ANO4: variants seen among roughly 807,000 people sequenced by gnomAD.
ANO4 encodes the protein anoctamin 4.
Under a neutral mutation model 141.9 loss-of-function variants are expected in ANO4, and 69 were observed. That is an observed-to-expected ratio of 0.49 (90% CI 0.40 to 0.59). The LOEUF (loss-of-function observed/expected upper bound fraction) is 0.59, where lower values mean the gene tolerates loss of function less well. Among genes scored for constraint, ANO4 ranks in the 20% least tolerant of loss-of-function variants. The pLI is 0.00. For synonymous variants in ANO4, 350 were observed against 394.3 expected (o/e 0.89, Z 1.33); for missense variants, 894 against 1,162.2 (o/e 0.77, Z 3.36).
At position 101,071,986 on chromosome 12, in the gene ANO4, T is replaced by A. The variant is rs560693691; in HGVS notation, c.1313-7207T>A. 7.2e-5 allele frequency among the ~76,000 whole-genome samples: 11 copies of A among 152,298 alleles called. No individual in the cohort carries two copies. The East Asian group carries it at 1.9e-3, about 27-fold the overall frequency. On this transcript the variant is annotated intron_variant, in intron 14 of 27. Transcript: ENST00000392977. ...CGTGATGAATTATAGTAACTCAGTG[T>A]TTTTTCCTCCCTATTTGCAGAATGT... is the stretch of plus-strand genomic sequence containing the variant.
chr12:101,048,255 C>T, intron 13 of ANO4, 86 bp from the exon 14 acceptor site: 1 of 1,413,252 alleles, frequency 7.1e-7, no homozygotes, highest in Non-Finnish European at 9.9e-7. Context: ...TATATAATCA[C>T]AGCTATTTTT....
chr12:100,987,417 G>A, intron 7 of ANO4, 122 bp from the exon 8 acceptor site: 9 of 1,211,654 alleles, frequency 7.4e-6, no homozygotes, highest in Non-Finnish European at 1.0e-5. Flanking sequence ...GATATCCTGA[G>A]TGCAGTGAGA....
intron 9 of ANO4, among the ~76,000 whole-genome samples, chr12:101,029,275 A>G (rs1593061551): frequency 1.3e-5 from 2 of 152,332 alleles, no homozygotes; most frequent in Admixed American, 6.5e-5. Flanking sequence ...TGCATCAACT[A>G]GTATGCAAAA....
At chr12:100,855,270 C>T (rs1035230123) in intron 1 of ANO4, among the ~76,000 whole-genome samples, 18 of 152,062 alleles carry the variant, frequency 1.2e-4, no homozygotes, top group African/African-American at 4.3e-4. Context: ...TTGTCAATAA[C>T]TTCTACTTTC....
intron 24 of ANO4, among the ~76,000 whole-genome samples, chr12:101,114,118 T>G (rs1009546178): frequency 6.6e-6 from 1 of 152,206 alleles, no homozygotes; most frequent in South Asian, 2.1e-4. Context: ...TTCCTGCCAG[T>G]AAACCCAGTG....
chr12:100,901,116 G>A (rs770646326), intron 1 of ANO4, among the ~76,000 whole-genome samples: 46 of 152,080 alleles, frequency 3.0e-4, no homozygotes, highest in South Asian at 6.2e-4. Context: ...GAGTGGGATC[G>A]ATGAAAAAAA....
chr12:100,987,805 G>A (rs754445441), intron 8 of ANO4, 135 bp downstream of exon 8: 8 of 1,239,422 alleles, frequency 6.5e-6, no homozygotes, highest in Non-Finnish European at 8.9e-6. Context: ...TCTTGTGAGT[G>A]TTCATATCCC....
At chr12:100,747,392 C>T (rs1768684339) in intron 3 of ANO4, among the ~76,000 whole-genome samples, 1 of 152,176 alleles carries the variant, frequency 6.6e-6, no homozygotes, top group African/African-American at 2.4e-5. Flanking sequence ...GCCTGCTTCC[C>T]TACACCCCAC....
intron 8 of ANO4, among the ~76,000 whole-genome samples, chr12:101,007,740 G>A (rs750872963): frequency 5.3e-5 from 8 of 152,262 alleles, no homozygotes; most frequent in Middle Eastern, 6.8e-3. Flanking sequence ...TTCATTTGGA[G>A]ATAAGGTCTT....
At chr12:100,989,102 G>A (rs1226662364) in intron 8 of ANO4, among the ~76,000 whole-genome samples, 3 of 152,108 alleles carry the variant, frequency 2.0e-5, no homozygotes, top group Admixed American at 1.3e-4. Context: ...AACTCTGTAC[G>A]CCTCTGAAAT....
At position 100,817,579 on chromosome 12, in the gene ANO4, T is replaced by A. The variant is rs140430125; in HGVS notation, c.-141+22552T>A. 4.2e-4 allele frequency among the ~76,000 whole-genome samples: 64 copies of A among 152,068 alleles called. No homozygotes were observed. The East Asian group carries it at 0.012, about 29-fold the overall frequency. On this transcript the variant is annotated intron_variant, in intron 1 of 27. Coordinates refer to ENST00000392977, the MANE Select transcript of ANO4 (RefSeq NM_001286615.2). ...TCCTTACCAAAGGATGGGAAAACTT[T>A]ATAGCCACGAGTGACAGAAAGAAAC...
In ANO4 at chr12:100,854,963, A is replaced by G. The variant is rs117406400; in HGVS notation, c.-140-46683A>G. 3.9e-3 allele frequency among the ~76,000 whole-genome samples: 584 copies of G among 151,550 alleles called. 2 individuals carry two copies. Among genetic ancestry groups the G allele is most frequent in the Middle Eastern group, 6.8e-3 (2 of 292 alleles). Reference sequence around the variant, plus strand: ...CTGTGGCTTCGTGTAGGGAGACTGAATGCTAGCTTTCACCTCATGTGGTCC... The same window carrying G: ...CTGTGGCTTCGTGTAGGGAGACTGAGTGCTAGCTTTCACCTCATGTGGTCC... On this transcript the variant is annotated intron_variant, in intron 1 of 27. Coordinates refer to ENST00000392977, the MANE Select transcript of ANO4 (RefSeq NM_001286615.2).
At chr12:100,995,408 G>T (rs1321118908) in intron 8 of ANO4, among the ~76,000 whole-genome samples, 1 of 152,176 alleles carries the variant, frequency 6.6e-6, no homozygotes. Context: ...TAGAGGCGTG[G>T]GAGGGAGCCT....
chr12:100,863,978 C>T (rs1444976679), intron 1 of ANO4, among the ~76,000 whole-genome samples: 3 of 152,168 alleles, frequency 2.0e-5, no homozygotes, highest in Non-Finnish European at 2.9e-5. Flanking sequence ...GGAGCTCGAA[C>T]AGTGTCATCA....
intron 2 of ANO4, among the ~76,000 whole-genome samples, chr12:100,904,081 G>T (rs1593702414): frequency 6.6e-6 from 1 of 152,132 alleles, no homozygotes; most frequent in Non-Finnish European, 1.5e-5. Context: ...GTCTTTAAGG[G>T]CAGGGATTCT....
chr12:100,791,358 C>A (rs113000564), upstream of ANO4, among the ~76,000 whole-genome samples: 1 of 152,064 alleles, frequency 6.6e-6, no homozygotes, highest in South Asian at 2.1e-4. Flanking sequence ...TGCAGTGAGC[C>A]GAGATCGCAC....
chr12:100,890,860 C>G (rs1320413175), intron 1 of ANO4, among the ~76,000 whole-genome samples: 1 of 152,172 alleles, frequency 6.6e-6, no homozygotes, highest in Non-Finnish European at 1.5e-5. Context: ...TGGGTTTTGA[C>G]AAATTTATTA....
chr12:101,067,826 A>T (rs1175310499), intron 14 of ANO4, among the ~76,000 whole-genome samples: 1 of 152,230 alleles, frequency 6.6e-6, no homozygotes, highest in African/African-American at 2.4e-5. Flanking sequence ...TGTCCAAATG[A>T]CAATTTCTTA....
chr12:100,907,320 C>T (rs866550689), intron 2 of ANO4, among the ~76,000 whole-genome samples: 1 of 152,208 alleles, frequency 6.6e-6, no homozygotes, highest in African/African-American at 2.4e-5. Context: ...CCTCTCTCAT[C>T]TTGGAATATC....
Sources: gnomAD v4.1 joint callset for allele counts (sites outside exome capture counted in the v4.1 genomes callset) on GRCh38, gnomAD v4.1.1 for gene constraint, MANE v1.5 for transcripts, NCBI Gene and HGNC (gene_info 2026-07-23, HGNC 2026-07-21) for gene names.